TRHDE: variants seen among roughly 807,000 people sequenced by gnomAD.
TRHDE encodes the protein thyrotropin-releasing hormone-degrading ectoenzyme.
A neutral mutation model predicts 125.7 loss-of-function variants in TRHDE; 72 were observed. That is an observed-to-expected ratio of 0.57 (90% CI 0.47 to 0.70). The LOEUF (loss-of-function observed/expected upper bound fraction) is 0.70. TRHDE is among the 30% of genes least tolerant of loss of function. The probability of loss-of-function intolerance (pLI) is 0.00; values close to 1 mark genes in which losing one functional copy is unlikely to be tolerated. For missense variants in TRHDE, 1,110 were observed against 1,327.1 expected, an observed-to-expected ratio of 0.84 and a Z score of 2.54; for synonymous variants, 509 against 509.1, an observed-to-expected ratio of 1.00 and a Z score of 0.00.
intron 1 of TRHDE, among the ~76,000 whole-genome samples, chr12:72,091,860 T>G (rs1439441229): frequency 2.0e-5 from 3 of 152,144 alleles, no homozygotes; most frequent in African/African-American, 7.2e-5. Flanking sequence ...AATAGTTACC[T>G]CCTCCTCCTT....
intron 12 of TRHDE, among the ~76,000 whole-genome samples, chr12:72,585,695 T>G (rs935051329): frequency 6.6e-6 from 1 of 152,206 alleles, no homozygotes; most frequent in African/African-American, 2.4e-5. Context: ...GGACATTCTA[T>G]TCTACCAGAA....
At chr12:72,306,383 A>G (rs987965889) in intron 2 of TRHDE, among the ~76,000 whole-genome samples, 17 of 152,192 alleles carry the variant, frequency 1.1e-4, no homozygotes, top group African/African-American at 3.6e-4. Context: ...TCTGCATAAT[A>G]CTAACATTAT....
chr12:72,303,094 G>A (rs976401705), intron 2 of TRHDE: 1 of 152,130 alleles, frequency 6.6e-6, no homozygotes, highest in Admixed American at 6.5e-5. Flanking sequence ...CCCATTTGGA[G>A]CATATATTCA....
chr12:72,322,385 G>T (rs1380896238), intron 2 of TRHDE, among the ~76,000 whole-genome samples: 5 of 152,010 alleles, frequency 3.3e-5, no homozygotes, highest in Non-Finnish European at 5.9e-5. Context: ...GTTTCTCTGT[G>T]CAAGAAGGCT....
chr12:72,298,349 G>A (rs1053994115), intron 2 of TRHDE, among the ~76,000 whole-genome samples: 5 of 152,184 alleles, frequency 3.3e-5, no homozygotes, highest in Admixed American at 2.6e-4. Context: ...AATTTTGGGT[G>A]ACTGCAGAGG....
intron 5 of TRHDE, among the ~76,000 whole-genome samples, chr12:72,475,502 G>A (rs577940255): frequency 3.9e-5 from 6 of 152,120 alleles, no homozygotes; most frequent in African/African-American, 1.4e-4. Flanking sequence ...GTTTTAGCAT[G>A]GTAATATATC....
intron 1 of TRHDE, among the ~76,000 whole-genome samples, chr12:72,101,931 A>C (rs1488232835): frequency 1.3e-5 from 2 of 152,248 alleles, no homozygotes; most frequent in Non-Finnish European, 2.9e-5. Context: ...AAACATAATT[A>C]ATTATAAAGG....
At chr12:72,319,645 G>T (rs1215012574) in intron 2 of TRHDE, among the ~76,000 whole-genome samples, 1 of 152,010 alleles carries the variant, frequency 6.6e-6, no homozygotes, top group East Asian at 1.9e-4. Flanking sequence ...TGAGTACTTG[G>T]ACCACATTAT....
At chr12:72,507,798 T>C (rs1290426302) in intron 6 of TRHDE, among the ~76,000 whole-genome samples, 6 of 152,324 alleles carry the variant, frequency 3.9e-5, no homozygotes, top group Middle Eastern at 3.4e-3. Flanking sequence ...TTTTAGCAGC[T>C]CCTCCCATCA....
intron 12 of TRHDE, among the ~76,000 whole-genome samples, chr12:72,612,735 ATTAAG>A (rs1872679579): frequency 1.3e-5 from 2 of 152,240 alleles, no homozygotes; most frequent in South Asian, 2.1e-4. Context: ...GCTTGAAATT[ATTAAG>A]TTGATAGTTT....
At chr12:72,407,394 A>G (rs1171036048) in intron 3 of TRHDE, among the ~76,000 whole-genome samples, 1 of 152,332 alleles carries the variant, frequency 6.6e-6, no homozygotes, top group African/African-American at 2.4e-5. Flanking sequence ...CTGCACTTCC[A>G]GAGTCACAGC....
intron 15 of TRHDE, among the ~76,000 whole-genome samples, chr12:72,627,997 T>C (rs1165442998): frequency 6.6e-6 from 1 of 151,902 alleles, no homozygotes; most frequent in African/African-American, 2.4e-5. Context: ...TGCTATTGCA[T>C]ATTTCTTCCA....
rs1875210855 is a variant in TRHDE at position 72,669,992 on chromosome 12, T to C, written c.*6797T>C. The C allele has an allele frequency of 6.6e-6, 1 of 151,788 alleles. No homozygotes were observed. Among genetic ancestry groups the C allele is most frequent in the African/African-American group, 2.4e-5 (1 of 41,428 alleles). 9.4% of individuals were successfully genotyped at this position (151,788 alleles called of 1,614,324 possible). On this transcript the variant is annotated 3_prime_UTR_variant, in exon 19 of 19. Coordinates refer to ENST00000261180, the MANE Select transcript of TRHDE (RefSeq NM_013381.3). ...TTGAACAATAAGAGAAATTCTATCT[T>C]TGAGCTTTCATAATTGGCTTTCTGG...
At chr12:72,285,555 T>C (rs1182755093) in intron 1 of TRHDE, among the ~76,000 whole-genome samples, 1 of 143,642 alleles carries the variant, frequency 7.0e-6, no homozygotes, top group African/African-American at 2.5e-5. Context: ...AGGGTCTCGC[T>C]CTGTCGCCAG....
intron 2 of TRHDE, among the ~76,000 whole-genome samples, chr12:72,324,394 G>A (rs1466232377): frequency 6.6e-6 from 1 of 152,104 alleles, no homozygotes; most frequent in Non-Finnish European, 1.5e-5. Context: ...GAGGGGAGGT[G>A]CAGGTGATGG....
At chr12:72,478,632 T>C (rs1877008138) in intron 5 of TRHDE, among the ~76,000 whole-genome samples, 1 of 152,096 alleles carries the variant, frequency 6.6e-6, no homozygotes, top group Non-Finnish European at 1.5e-5. Context: ...ATTTTGGCAT[T>C]GGTGGATAAT....
At chr12:72,491,183 A>G (rs1368199002) in intron 5 of TRHDE, among the ~76,000 whole-genome samples, 1 of 151,922 alleles carries the variant, frequency 6.6e-6, no homozygotes, top group East Asian at 1.9e-4. Context: ...TCAAAAATAA[A>G]TGAAAGCTAA....
At chr12:72,622,728 G>A (rs1349299842) in intron 15 of TRHDE, among the ~76,000 whole-genome samples, 2 of 152,000 alleles carry the variant, frequency 1.3e-5, no homozygotes, top group East Asian at 3.9e-4. Context: ...GTTAAGAGCT[G>A]TTTAGGTTTA....
rs1232621496 is a variant in TRHDE at position 72,165,676 on chromosome 12, T to C, written n.279+59924T>C. Among the ~76,000 whole-genome samples, 3 of 150,242 alleles carry C rather than the reference T, an allele frequency of 2.0e-5. No individual in the cohort carries two copies. In the East Asian group the frequency reaches 5.9e-4, roughly 30 times the overall value. ...AATAAGTCACACATATTCTGAGAAA[T>C]GCATTTTTTTTTTTTGAGATGGAGT... On this transcript the variant is annotated intron_variant and non_coding_transcript_variant, in intron 2 of 4. Transcript: ENST00000548156.
Sources: allele counts gnomAD v4.1 joint callset (sites outside exome capture counted in the v4.1 genomes callset), GRCh38; gene constraint gnomAD v4.1.1; transcripts MANE v1.5; gene names NCBI Gene and HGNC (gene_info 2026-07-23, HGNC 2026-07-21).